The following WDR48 variants were observed in gnomAD, a reference collection of about 807,000 sequenced individuals.
WDR48 encodes WD repeat domain 48.
In WDR48, 22 loss-of-function variants were observed where a neutral mutation model predicts 94.0. That is an observed-to-expected ratio of 0.23 (90% CI 0.17 to 0.33). WDR48 has a LOEUF of 0.33. WDR48 is among the 10% of genes least tolerant of loss of function. The pLI, the probability that WDR48 is intolerant of heterozygous loss-of-function variation, is 1.00. For synonymous variants in WDR48, 278 were observed against 280.5 expected (o/e 0.99, Z 0.09); for missense variants, 541 against 813.8 (o/e 0.66, Z 4.08).
In WDR48 at chr3:39,069,652, G is replaced by A. The variant is rs186764514; in HGVS notation, c.580G>A (p.Val194Ile). Residue 194 changes from valine (V) to isoleucine (I), a missense_variant, in exon 7 of 19, where the codon GTA (valine) becomes ATA (isoleucine). Physicochemically the swap from Val to Ile is conservative, Grantham distance 29 (BLOSUM62 3). Coordinates refer to ENST00000302313, the MANE Select transcript of WDR48 (RefSeq NM_020839.4). Reference sequence around the variant, plus strand: ...CTATTAAAATTCACAGGTGTTACGGGTATGGGATCCAAGAACATGTGCAAA... The same window carrying A: ...CTATTAAAATTCACAGGTGTTACGGATATGGGATCCAAGAACATGTGCAAA... ...VSGSTEKVLR[V>I]WDPRTCAKLM... is the part of the protein sequence containing the mutation. 3.7e-6 allele frequency: 6 copies of A among 1,612,370 alleles called. No individual in the cohort carries two copies. The highest frequency in any genetic ancestry group is 1.3e-5 in the African/African-American group (1 of 75,008).
At chr3:39,090,625 G>C (rs972203546) in intron 16 of WDR48, 1 of 152,120 alleles carries the variant, frequency 6.6e-6, no homozygotes, top group African/African-American at 2.4e-5. Flanking sequence ...CAAAGGGACA[G>C]CTAGTGTGCT....
chr3:39,056,254 A>G (rs1393410965), intron 1 of WDR48, among the ~76,000 whole-genome samples: 2 of 152,252 alleles, frequency 1.3e-5, no homozygotes, highest in Non-Finnish European at 2.9e-5. Flanking sequence ...ATAAAATAGT[A>G]AAGGAAGTGT....
At chr3:39,069,613 G>T in intron 6 of WDR48, 30 bp from the exon 7 acceptor site, 2 of 1,542,678 alleles carry the variant, frequency 1.3e-6, no homozygotes, top group Non-Finnish European at 1.8e-6. Flanking sequence ...GATATATTTA[G>T]TTTGTGTAAT....
chr3:39,052,891 AG>A (rs2032559773), intron 1 of WDR48, among the ~76,000 whole-genome samples: 1 of 152,036 alleles, frequency 6.6e-6, no homozygotes, highest in Non-Finnish European at 1.5e-5. Context: ...GCGCTAGGGG[AG>A]GGATAGCATT....
intron 5 of WDR48, among the ~76,000 whole-genome samples, chr3:39,067,917 A>T (rs1259495719): frequency 6.6e-6 from 1 of 151,916 alleles, no homozygotes; most frequent in Non-Finnish European, 1.5e-5. Flanking sequence ...TGGGGCTGTC[A>T]TGGTACATCA....
At chr3:39,078,376 A>G in intron 10 of WDR48, 137 bp downstream of exon 10, 1 of 671,160 alleles carries the variant, frequency 1.5e-6, no homozygotes, top group Non-Finnish European at 2.5e-6. Flanking sequence ...TTTATTTTTA[A>G]TATAAGGAAA....
intron 1 of WDR48, among the ~76,000 whole-genome samples, chr3:39,057,059 A>C (rs565439567): frequency 1.3e-5 from 2 of 152,186 alleles, no homozygotes; most frequent in Non-Finnish European, 2.9e-5. Flanking sequence ...GAAGAAGGAA[A>C]AATTAAAACT....
At chr3:39,083,450 G>T (rs748161518) in intron 11 of WDR48, among the ~76,000 whole-genome samples, 6 of 152,210 alleles carry the variant, frequency 3.9e-5, no homozygotes, top group Non-Finnish European at 7.3e-5. Flanking sequence ...GAAGCAAGAG[G>T]TGAGGGGGAC....
At position 39,078,174 on chromosome 3, in the gene WDR48, A is replaced by T. The variant is rs1239907147; in HGVS notation, c.1010A>T (p.Asp337Val). Residue 337 changes from aspartate to valine, a missense_variant, in exon 10 of 19, where the codon GAT becomes GTT. Around this residue, in one of 5 missense-constraint regions of WDR48, gnomAD observed 238 missense variants for 285.3 expected, o/e 0.83. Transcript: ENST00000302313. ...KGIHNFRASG[D>V]YDNDCTNPIT... ...ATTCATAATTTTAGAGCCTCTGGAG[A>T]TTATGACAATGACTGTACAAATCCT... The T allele has an allele frequency of 1.2e-6, 2 of 1,612,582 alleles. No homozygotes were observed. The highest frequency in any genetic ancestry group is 4.5e-5 in the East Asian group (2 of 44,784).
chr3:39,092,389 G>A (rs979791069), intron 17 of WDR48, among the ~76,000 whole-genome samples: 1 of 152,172 alleles, frequency 6.6e-6, no homozygotes, highest in Non-Finnish European at 1.5e-5. Flanking sequence ...TCAAAAGATA[G>A]ATATTCCAAG....
intron 18 of WDR48, 188 bp downstream of exon 18, chr3:39,094,254 C>T: frequency 6.9e-7 from 1 of 1,440,108 alleles, no homozygotes; most frequent in East Asian, 2.5e-5. Flanking sequence ...GATACATAGA[C>T]AAATGTGGAT....
intron 18 of WDR48, 66 bp downstream of exon 18, chr3:39,094,132 C>A (rs2035222004): frequency 6.5e-7 from 1 of 1,541,208 alleles, no homozygotes; most frequent in Non-Finnish European, 8.7e-7. Context: ...AGTTACATGC[C>A]TTTGGGTGGG....
chr3:39,052,146 C>T (rs2032440456), intron 1 of WDR48, 73 bp downstream of exon 1: 1 of 1,584,574 alleles, frequency 6.3e-7, no homozygotes, highest in African/African-American at 1.4e-5. Context: ...AGAAGGTGCC[C>T]GGCGCCACGA....
chr3:39,074,373 TACC>T (rs1250885337), intron 7 of WDR48, among the ~76,000 whole-genome samples: 1 of 152,204 alleles, frequency 6.6e-6, no homozygotes, highest in Non-Finnish European at 1.5e-5. Context: ...AATGTAAAAT[TACC>T]ACCAACAACC....
chr3:39,066,796 A>T lies in WDR48; in HGVS notation c.402A>T (p.Ser134=). 1 of 1,614,066 alleles carries T rather than the reference A, an allele frequency of 6.2e-7. No homozygotes were observed. Among genetic ancestry groups the T allele is most frequent in the Admixed American group, 1.7e-5 (1 of 60,014 alleles). ...AYAKDKELVA[S]AGLDRQIFLW... ...CCAAGGATAAAGAACTAGTAGCATCAGCTGGGTTGGACAGACAAATATTCC... is the reference window on the plus strand; with the variant it reads ...CCAAGGATAAAGAACTAGTAGCATCTGCTGGGTTGGACAGACAAATATTCC... Residue 134 remains serine (S), a synonymous_variant, in exon 5 of 19, where the codon TCA becomes TCT. Coordinates refer to ENST00000302313, the MANE Select transcript of WDR48 (RefSeq NM_020839.4).
At chr3:39,063,220 C>A in intron 2 of WDR48, 30 bp downstream of exon 2, 1 of 1,607,870 alleles carries the variant, frequency 6.2e-7, no homozygotes, top group Non-Finnish European at 8.5e-7. Flanking sequence ...CTGTACCCAG[C>A]AAATTCTGGA....
At chr3:39,069,491 C>G in intron 6 of WDR48, 152 bp from the exon 7 acceptor site, 1 of 567,332 alleles carries the variant, frequency 1.8e-6, no homozygotes, top group South Asian at 3.1e-5. Context: ...GCCTAATTCC[C>G]TGAGGTTGGG....
Position 39,096,207 on chromosome 3 carries a change from T to C in WDR48, c.*1464T>C, listed in dbSNP as rs2125691896. On this transcript the variant is annotated 3_prime_UTR_variant, in exon 19 of 19. Coordinates refer to ENST00000302313, the MANE Select transcript of WDR48 (RefSeq NM_020839.4). ...CTTCTTTTGGAAACTGGACAGGCCA[T>C]TGCCACCTGCACTTTGAAGAAGTGA... The C allele has an allele frequency of 6.6e-6, 1 of 152,548 alleles. No homozygotes were observed. Among genetic ancestry groups the C allele is most frequent in the East Asian group, 1.9e-4 (1 of 5,184 alleles). 9.4% of individuals were successfully genotyped at this position (152,548 alleles called of 1,614,324 possible).
chr3:39,087,815 T>C, intron 14 of WDR48: 1 of 197,852 alleles, frequency 5.1e-6, no homozygotes, highest in Non-Finnish European at 1.0e-5. Context: ...GATCTTCGTT[T>C]ATATACAGGC....
Sources: allele counts gnomAD v4.1 joint callset (sites outside exome capture counted in the v4.1 genomes callset), GRCh38; gene constraint gnomAD v4.1.1; regional missense constraint gnomAD v4.1.1; transcripts MANE v1.5; gene names NCBI Gene and HGNC (gene_info 2026-07-23, HGNC 2026-07-21).